The following SYT1 variants were observed in gnomAD, a reference collection of about 807,000 sequenced individuals.
SYT1 encodes synaptotagmin 1.
In SYT1, 8 loss-of-function variants were observed where a neutral mutation model predicts 44.8. The ratio of observed to expected loss-of-function variants is 0.18; its 90% CI spans 0.10 to 0.32. SYT1 has a LOEUF of 0.32. Among genes scored for constraint, SYT1 ranks in the 10% least tolerant of loss-of-function variants. SYT1 has a pLI of 1.00. For missense variants in SYT1, 286 were observed against 509.3 expected (o/e 0.56, Z 4.22); for synonymous variants, 154 against 188.8 (o/e 0.82, Z 1.51).
intron 3 of SYT1, among the ~76,000 whole-genome samples, chr12:79,116,165 T>A (rs1224017723): frequency 6.6e-6 from 1 of 152,182 alleles, no homozygotes; most frequent in Non-Finnish European, 1.5e-5. Context: ...GTTGAGATAA[T>A]TAATGGAAAA....
chr12:78,910,411 T>G (rs1876250459), intron 1 of SYT1, among the ~76,000 whole-genome samples: 1 of 151,990 alleles, frequency 6.6e-6, no homozygotes, highest in African/African-American at 2.4e-5. Flanking sequence ...GGGTTAACTT[T>G]TTTAGACTCT....
At chr12:79,432,148 A>G (rs1047015705) in intron 9 of SYT1, among the ~76,000 whole-genome samples, 1 of 152,116 alleles carries the variant, frequency 6.6e-6, no homozygotes, top group Admixed American at 6.5e-5. Context: ...AAGGGCCTAC[A>G]TTATTAATAC....
At chr12:79,376,884 C>T (rs1286159855) in intron 9 of SYT1, among the ~76,000 whole-genome samples, 3 of 152,172 alleles carry the variant, frequency 2.0e-5, no homozygotes, top group Non-Finnish European at 4.4e-5. Flanking sequence ...CCCGATATCA[C>T]ATTATAAATT....
At chr12:79,406,475 G>A (rs997873536) in intron 9 of SYT1, among the ~76,000 whole-genome samples, 2 of 152,120 alleles carry the variant, frequency 1.3e-5, no homozygotes, top group African/African-American at 4.8e-5. Context: ...TAGCCCAAAA[G>A]GGTTTGAAGA....
At chr12:79,429,192 A>G (rs1026794856) in intron 9 of SYT1, among the ~76,000 whole-genome samples, 2 of 152,044 alleles carry the variant, frequency 1.3e-5, no homozygotes, top group African/African-American at 4.8e-5. Context: ...TATATCACAT[A>G]TGTTAACAGT....
rs111609975 is a variant in SYT1, at chr12:79,337,895, A to G, written c.811-15607A>G. On this transcript the variant is annotated intron_variant, in intron 8 of 10. Transcript: ENST00000261205. Reference sequence around the variant, plus strand: ...GATAATACTGGTTCCCATAATCCAAATCACTATGAGGCAGCTTTATCCCAG... The same window carrying G: ...GATAATACTGGTTCCCATAATCCAAGTCACTATGAGGCAGCTTTATCCCAG... Among the ~76,000 whole-genome samples the G allele has an allele frequency of 3.3e-3, 500 of 152,322 alleles. 5 individuals carry two copies. The highest frequency in any genetic ancestry group is 0.012 in the Admixed American group (188 of 15,300).
At chr12:78,868,076 C>A (rs2137029980) in intron 1 of SYT1, among the ~76,000 whole-genome samples, 1 of 151,950 alleles carries the variant, frequency 6.6e-6, no homozygotes, top group East Asian at 1.9e-4. Flanking sequence ...TCTTAAAGAA[C>A]ACACACTTAA....
At chr12:79,332,123 TATC>T (rs1473590578) in intron 8 of SYT1, among the ~76,000 whole-genome samples, 1 of 152,194 alleles carries the variant, frequency 6.6e-6, no homozygotes, top group Non-Finnish European at 1.5e-5. Flanking sequence ...AAATCCCTGG[TATC>T]TCAGCAGGGT....
intron 10 of SYT1, among the ~76,000 whole-genome samples, chr12:79,445,696 GT>G (rs763289428): frequency 6.7e-6 from 1 of 149,658 alleles, no homozygotes; most frequent in Non-Finnish European, 1.5e-5. Flanking sequence ...CCATTCATCT[GT>G]TGTTGGACAC....
At chr12:79,028,710 G>A (rs1438495654) in intron 2 of SYT1, among the ~76,000 whole-genome samples, 2 of 151,240 alleles carry the variant, frequency 1.3e-5, no homozygotes, top group African/African-American at 4.8e-5. Context: ...TCTAAAATGT[G>A]CCTGTTTTTC....
At chr12:79,384,168 T>C (rs1407645051) in intron 9 of SYT1, among the ~76,000 whole-genome samples, 1 of 152,132 alleles carries the variant, frequency 6.6e-6, no homozygotes, top group African/African-American at 2.4e-5. Context: ...AACTATACAA[T>C]AAACAAGGAA....
chr12:78,953,910 T>A lies in SYT1; in HGVS notation c.-216-23889T>A, dbSNP rs114043204. 6.1e-3 allele frequency among the ~76,000 whole-genome samples: 934 copies of A among 152,078 alleles called. 12 individuals are homozygous for A. Among genetic ancestry groups the A allele is most frequent in the African/African-American group, 0.02 (837 of 41,504 alleles). The stretch of plus-strand genomic sequence containing the variant: ...TTTAAAACTATCCAAATATTTTTTT[T>A]AAAAATCCTCAATGATATTTATATG... On this transcript the variant is annotated intron_variant, in intron 1 of 10. Transcript: ENST00000261205.
intron 1 of SYT1, among the ~76,000 whole-genome samples, chr12:78,939,773 C>A (rs1216945503): frequency 5.3e-5 from 8 of 152,192 alleles, no homozygotes; most frequent in African/African-American, 1.7e-4. Context: ...CATCATGAAA[C>A]TATCTTCTAC....
intron 3 of SYT1, among the ~76,000 whole-genome samples, chr12:79,048,926 A>G (rs1874267940): frequency 6.6e-6 from 1 of 151,976 alleles, no homozygotes; most frequent in Non-Finnish European, 1.5e-5. Context: ...AACATCTAAA[A>G]GACTAGACTG....
chr12:79,068,769 T>A (rs1334252371), intron 3 of SYT1, among the ~76,000 whole-genome samples: 1 of 152,072 alleles, frequency 6.6e-6, no homozygotes, highest in Non-Finnish European at 1.5e-5. Context: ...ATCCCAGCAC[T>A]TTGGGAGGCC....
intron 3 of SYT1, among the ~76,000 whole-genome samples, chr12:79,074,815 A>G (rs1009088842): frequency 2.6e-5 from 4 of 152,172 alleles, no homozygotes; most frequent in African/African-American, 9.6e-5. Flanking sequence ...TCCAGATTTT[A>G]TTATCCCTGT....
chr12:79,336,912 A>G (rs1250445578), intron 8 of SYT1, among the ~76,000 whole-genome samples: 1 of 151,976 alleles, frequency 6.6e-6, no homozygotes, highest in African/African-American at 2.4e-5. Flanking sequence ...CCTGATTTCA[A>G]GAGATCTTCT....
chr12:78,982,398 T>G (rs545402572), intron 2 of SYT1, among the ~76,000 whole-genome samples: 1 of 152,348 alleles, frequency 6.6e-6, no homozygotes, highest in South Asian at 2.1e-4. Context: ...GAAATTCTAC[T>G]GGAGAGACAG....
chr12:79,252,167 A>C (rs1877256315), intron 4 of SYT1, among the ~76,000 whole-genome samples: 1 of 152,200 alleles, frequency 6.6e-6, no homozygotes, highest in Admixed American at 6.5e-5. Context: ...TTAAGCTTCT[A>C]AATGTGAGCA....
Sources: allele counts gnomAD v4.1 joint callset (sites outside exome capture counted in the v4.1 genomes callset), GRCh38; gene constraint gnomAD v4.1.1; transcripts MANE v1.5; gene names NCBI Gene and HGNC (gene_info 2026-07-23, HGNC 2026-07-21).